CSRNP3: variants seen among roughly 807,000 people sequenced by gnomAD.
CSRNP3 encodes the protein cysteine/serine-rich nuclear protein 3.
CSRNP3 carries 12 observed loss-of-function variants against 48.0 expected under a neutral mutation model. That is an observed-to-expected ratio of 0.25 (90% confidence interval 0.16 to 0.41). CSRNP3 has a LOEUF of 0.41. CSRNP3 is among the 10% of genes least tolerant of loss of function. The pLI, the probability that CSRNP3 is intolerant of heterozygous loss-of-function variation, is 1.00. For synonymous variants in CSRNP3, 263 were observed against 269.7 expected, an observed-to-expected ratio of 0.98 and a Z score of 0.24; for missense variants, 580 against 724.4, an observed-to-expected ratio of 0.80 and a Z score of 2.29.
At chr2:165,664,072 A>C (rs1173272381) in intron 5 of CSRNP3, among the ~76,000 whole-genome samples, 1 of 152,198 alleles carries the variant, frequency 6.6e-6, no homozygotes, top group East Asian at 1.9e-4. Context: ...CAGGTTGTTG[A>C]AATTCTCATA....
At chr2:165,619,086 G>A (rs930802388) in intron 4 of CSRNP3, among the ~76,000 whole-genome samples, 1 of 152,168 alleles carries the variant, frequency 6.6e-6, no homozygotes, top group Non-Finnish European at 1.5e-5. Context: ...GAAGTTACAT[G>A]AGGGTCCCAG....
rs925668882 is a variant in CSRNP3 at position 165,687,813 on chromosome 2, G to A, written c.*8060G>A. 9.9e-5 allele frequency: 15 copies of A among 152,004 alleles called. No homozygotes were observed. Among genetic ancestry groups the A allele is most frequent in the African/African-American group, 3.6e-4 (15 of 41,384 alleles). 9.4% of individuals were successfully genotyped at this position (152,004 alleles called of 1,614,324 possible). A position where few individuals can be genotyped will look rare whatever the true frequency, so the allele number is the denominator to read the frequency against. On this transcript the variant is annotated 3_prime_UTR_variant, in exon 7 of 7. Transcript: ENST00000651982. ...CATCACTTGATTCAAGCACTCCCTGGAGCTTTCAAAGCCTTTTTTATCTGC... is the reference window on the plus strand; with the variant it reads ...CATCACTTGATTCAAGCACTCCCTGAAGCTTTCAAAGCCTTTTTTATCTGC...
At chr2:165,646,344 G>A (rs1000848685) in intron 4 of CSRNP3, among the ~76,000 whole-genome samples, 7 of 151,892 alleles carry the variant, frequency 4.6e-5, no homozygotes, top group Admixed American at 2.0e-4. Flanking sequence ...GTTTTGTTTT[G>A]TTTCTTTGTT....
Position 165,679,221 on chromosome 2 carries a change from T to C in CSRNP3, c.1226T>C (p.Val409Ala). Residue 409 changes from valine to alanine, a missense_variant, in exon 7 of 7, where the codon GTT becomes GCT. Val to Ala is a moderately conservative substitution (Grantham distance 64, BLOSUM62 0). Around this residue, in one of 4 missense-constraint regions of CSRNP3, gnomAD observed 369 missense variants for 380.8 expected, o/e 0.97. Coordinates refer to ENST00000651982, the MANE Select transcript of CSRNP3 (RefSeq NM_001172173.2). The part of the protein sequence containing the change: ...THAEVVPLPS[V>A]LCYSDGTAVH... The stretch of plus-strand genomic sequence containing the variant: ...GCCGAAGTTGTCCCTCTTCCTTCAG[T>C]TCTTTGTTATTCTGATGGCACCGCC... 1 of 1,613,928 alleles carries C rather than the reference T, an allele frequency of 6.2e-7. No homozygotes were observed. The highest frequency in any genetic ancestry group is 1.1e-5 in the South Asian group (1 of 91,070).
At chr2:165,493,130 A>T (rs1684241606) in intron 1 of CSRNP3, among the ~76,000 whole-genome samples, 1 of 151,996 alleles carries the variant, frequency 6.6e-6, no homozygotes, top group Non-Finnish European at 1.5e-5. Context: ...AAGGAATTTT[A>T]GCATCAAAAT....
chr2:165,499,068 T>C (rs1171667899), intron 2 of CSRNP3, among the ~76,000 whole-genome samples: 2 of 152,220 alleles, frequency 1.3e-5, no homozygotes, highest in Non-Finnish European at 2.9e-5. Context: ...TGGGTCCATC[T>C]AGCAGTGGTC....
rs1685356554 is a variant in CSRNP3 at position 165,570,632 on chromosome 2, T to A, written c.-23-24411T>A. The stretch of plus-strand genomic sequence containing the variant: ...AAATGGCTGCCTTTTGTTTACTTCC[T>A]TGTACATTAGCATGGGTGACATGAT... On this transcript the variant is annotated intron_variant, in intron 3 of 6. Transcript: ENST00000651982. Among the ~76,000 whole-genome samples, 6 of 151,774 alleles carry A rather than the reference T, an allele frequency of 4.0e-5. No individual in the cohort carries two copies. In the South Asian group the frequency reaches 1.2e-3, roughly 31 times the overall value.
Position 165,657,978 on chromosome 2 carries a change from A to G in CSRNP3, c.366A>G (p.Arg122=). 1 of 1,613,920 alleles carries G rather than the reference A, an allele frequency of 6.2e-7. No individual in the cohort carries two copies. The highest frequency in any genetic ancestry group is 8.5e-7 in the Non-Finnish European group (1 of 1,179,980). The change falls in exon 5 of 7, where the codon AGA becomes AGG. Residue 122 remains arginine (R), a synonymous_variant. Transcript: ENST00000651982. ...AGAGGCTCCACCGGGAGATGTTGAG[A>G]GAACACCTTAGGGAGGAAAAGCTGA... ...EQERLHREML[R]EHLREEKLNS... is the part of the protein sequence containing the mutation.
At chr2:165,512,881 G>A (rs1479286291) in intron 2 of CSRNP3, among the ~76,000 whole-genome samples, 1 of 152,230 alleles carries the variant, frequency 6.6e-6, no homozygotes, top group African/African-American at 2.4e-5. Context: ...AAGGAGGGAG[G>A]ATCACAAGGT....
intron 4 of CSRNP3, among the ~76,000 whole-genome samples, chr2:165,610,347 T>C (rs1359503114): frequency 6.6e-6 from 1 of 152,202 alleles, no homozygotes; most frequent in Non-Finnish European, 1.5e-5. Context: ...TATAGTAAGG[T>C]GTACTGCTAA....
chr2:165,505,679 A>G (rs1158065247), intron 2 of CSRNP3, among the ~76,000 whole-genome samples: 1 of 152,162 alleles, frequency 6.6e-6, no homozygotes, highest in Non-Finnish European at 1.5e-5. Context: ...TTACTTTTCT[A>G]ACTTCCGGAG....
intron 2 of CSRNP3, among the ~76,000 whole-genome samples, chr2:165,506,333 C>T (rs1684425923): frequency 6.6e-6 from 1 of 152,134 alleles, no homozygotes; most frequent in Non-Finnish European, 1.5e-5. Context: ...TCCATGCCTA[C>T]TCCCTTCCAG....
At chr2:165,627,118 C>T (rs1042252568) in intron 4 of CSRNP3, among the ~76,000 whole-genome samples, 3 of 152,110 alleles carry the variant, frequency 2.0e-5, no homozygotes, top group Non-Finnish European at 2.9e-5. Context: ...TTAATGCATC[C>T]CCTTTTCCCA....
In CSRNP3 at chr2:165,678,808, A is replaced by C; in HGVS notation, c.813A>C (p.Thr271=). The C allele has an allele frequency of 6.2e-7, 1 of 1,614,108 alleles. No individual in the cohort carries two copies. The highest frequency in any genetic ancestry group is 1.1e-5 in the South Asian group (1 of 91,088). Residue 271 remains threonine (T), a synonymous_variant, in exon 7 of 7, where the codon ACA becomes ACC. Coordinates refer to ENST00000651982, the MANE Select transcript of CSRNP3 (RefSeq NM_001172173.2). ...PIRVRTHFLH[T]IMKLELEKNR... The stretch of plus-strand genomic sequence containing the variant: ...GTGTTCGGACTCACTTTTTGCACAC[A>C]ATAATGAAACTTGAACTGGAGAAAA...
intron 3 of CSRNP3, among the ~76,000 whole-genome samples, chr2:165,542,957 G>A (rs10930170): frequency 0.66 from 99,656 of 152,000 alleles, 32,962 homozygotes; most frequent in East Asian, 0.78. Flanking sequence ...CTGTGGTTGC[G>A]TAAGTAGCAG....
At chr2:165,620,728 A>G (rs1431428374) in intron 4 of CSRNP3, among the ~76,000 whole-genome samples, 1 of 152,140 alleles carries the variant, frequency 6.6e-6, no homozygotes, top group African/African-American at 2.4e-5. Flanking sequence ...AGTGGCTGGT[A>G]CCTTACATGT....
chr2:165,666,931 A>AG lies in CSRNP3; in HGVS notation c.408+8912dup, dbSNP rs1276142775. Among the ~76,000 whole-genome samples, 10 of 129,574 alleles carry AG rather than the reference A, an allele frequency of 7.7e-5. 2 individuals are homozygous for AG. The highest frequency in any genetic ancestry group is 1.5e-4 in the Non-Finnish European group (9 of 59,248). The allele number at this position is 129,574 out of a possible 152,430, so 85.0% of individuals were successfully genotyped here. A position where few individuals can be genotyped will look rare whatever the true frequency, so the allele number is the denominator to read the frequency against. ...AGGGCGGAAGGAAGGGAGGAAAGAGAGAAGAAGAAAGAAAGAGAGAGAGGA... is the reference window on the plus strand; with the variant it reads ...AGGGCGGAAGGAAGGGAGGAAAGAGAGGAAGAAGAAAGAAAGAGAGAGAGGA... On this transcript the variant is annotated intron_variant, in intron 5 of 6. Coordinates refer to ENST00000651982, the MANE Select transcript of CSRNP3 (RefSeq NM_001172173.2).
At chr2:165,481,321 G>A (rs183403616) in intron 1 of CSRNP3, among the ~76,000 whole-genome samples, 1 of 152,240 alleles carries the variant, frequency 6.6e-6, no homozygotes, top group East Asian at 1.9e-4. Context: ...ATGAGGGAGG[G>A]AATATACCCT....
At chr2:165,591,583 G>A (rs561660492) in intron 3 of CSRNP3, among the ~76,000 whole-genome samples, 1 of 152,204 alleles carries the variant, frequency 6.6e-6, no homozygotes, top group East Asian at 1.9e-4. Context: ...GGGACCCCCT[G>A]TTCTGTGCAG....
Sources: allele counts gnomAD v4.1 joint callset (sites outside exome capture counted in the v4.1 genomes callset), GRCh38; gene constraint gnomAD v4.1.1; regional missense constraint gnomAD v4.1.1; transcripts MANE v1.5; gene names NCBI Gene and HGNC (gene_info 2026-07-23, HGNC 2026-07-21).